The following CADPS2 variants were observed in gnomAD, a reference collection of about 807,000 sequenced individuals.
CADPS2 encodes the protein calcium dependent secretion activator 2.
CADPS2 carries 93 observed loss-of-function variants against 172.5 expected under a neutral mutation model. The observed-to-expected ratio is 0.54, with a 90% CI of 0.46 to 0.64. The LOEUF (loss-of-function observed/expected upper bound fraction) is 0.64, where lower values mean the gene tolerates loss of function less well. Ranked by LOEUF, CADPS2 falls within the 30% of genes least tolerant of loss-of-function variation. The probability of loss-of-function intolerance (pLI) is 0.00; values close to 1 mark genes in which losing one functional copy is unlikely to be tolerated. For missense variants in CADPS2, 1,420 were observed against 1,565.9 expected (o/e 0.91, Z 1.57); for synonymous variants, 546 against 555.2 (o/e 0.98, Z 0.23).
intron 14 of CADPS2, among the ~76,000 whole-genome samples, chr7:122,452,814 A>G (rs993066651): frequency 1.3e-5 from 2 of 152,224 alleles, no homozygotes; most frequent in African/African-American, 4.8e-5. Context: ...ATTGAAAACA[A>G]AGAAAAATAA....
At chr7:122,833,464 C>G (rs1807258144) in intron 1 of CADPS2, among the ~76,000 whole-genome samples, 1 of 152,144 alleles carries the variant, frequency 6.6e-6, no homozygotes, top group Non-Finnish European at 1.5e-5. Flanking sequence ...AATTCTCTTG[C>G]CTCAGCCCTC....
At chr7:122,798,496 G>C (rs1160103728) in intron 1 of CADPS2, among the ~76,000 whole-genome samples, 2 of 152,126 alleles carry the variant, frequency 1.3e-5, no homozygotes, top group Non-Finnish European at 2.9e-5. Context: ...GTATATAGAT[G>C]TCCTATATTA....
At chr7:122,721,581 T>A (rs1016135907) in intron 2 of CADPS2, among the ~76,000 whole-genome samples, 1 of 152,020 alleles carries the variant, frequency 6.6e-6, no homozygotes, top group Non-Finnish European at 1.5e-5. Flanking sequence ...CAGGACCAGA[T>A]GGATTCACAG....
intron 1 of CADPS2, among the ~76,000 whole-genome samples, chr7:122,881,389 G>A (rs759239443): frequency 7.9e-5 from 12 of 152,128 alleles, no homozygotes; most frequent in Non-Finnish European, 1.5e-4. Flanking sequence ...GTGGTCTCAG[G>A]ATACCCTGTG....
chr7:122,479,411 C>A (rs2152246705), intron 12 of CADPS2, among the ~76,000 whole-genome samples: 1 of 152,248 alleles, frequency 6.6e-6, no homozygotes, highest in Non-Finnish European at 1.5e-5. Flanking sequence ...TCTTTTTATA[C>A]CATCCATGTA....
At position 122,707,129 on chromosome 7, in the gene CADPS2, C is replaced by G. The variant is rs1016727548; in HGVS notation, c.453+29826G>C. Reference sequence around the variant, plus strand: ...TACAGGCTCTAAATTCCTGAAGTATCCCCAAAGGAATAATACTTAACCATT... The same window carrying G: ...TACAGGCTCTAAATTCCTGAAGTATGCCCAAAGGAATAATACTTAACCATT... On this transcript the variant is annotated intron_variant, in intron 2 of 29. Transcript: ENST00000449022. Among the ~76,000 whole-genome samples, 5 of 151,712 alleles carry G rather than the reference C, an allele frequency of 3.3e-5. No homozygotes were observed. In the Admixed American group the frequency reaches 3.3e-4, roughly 10 times the overall value.
chr7:122,643,921 C>T (rs575674591), intron 3 of CADPS2, among the ~76,000 whole-genome samples: 1 of 152,162 alleles, frequency 6.6e-6, no homozygotes, highest in Non-Finnish European at 1.5e-5. Context: ...CAAAACCCCT[C>T]TCTACTAAAA....
chr7:122,724,706 C>T (rs1012612480), intron 2 of CADPS2, among the ~76,000 whole-genome samples: 1 of 151,996 alleles, frequency 6.6e-6, no homozygotes, highest in African/African-American at 2.4e-5. Context: ...AAGTCCAATC[C>T]AGATAGAACA....
chr7:122,606,646 G>C lies in CADPS2; in HGVS notation c.1223+8535C>G, dbSNP rs187436721. On this transcript the variant is annotated intron_variant, in intron 6 of 29. Coordinates refer to ENST00000449022, the MANE Select transcript of CADPS2 (RefSeq NM_017954.11). ...GGGCCAAGTGTCATAGTCTGAGACC[G>C]ACTGAGAGGCTTTTTTTAATACTCT... Among the ~76,000 whole-genome samples, 594 of 152,188 alleles carry C rather than the reference G, an allele frequency of 3.9e-3. 6 individuals are homozygous for C. The highest frequency in any genetic ancestry group is 0.014 in the African/African-American group (564 of 41,520).
chr7:122,407,345 G>T (rs1387295173), intron 20 of CADPS2, among the ~76,000 whole-genome samples, 195 bp downstream of exon 20: 1 of 152,178 alleles, frequency 6.6e-6, no homozygotes, highest in Non-Finnish European at 1.5e-5. Context: ...GACCTTCAGA[G>T]CCCACTGGAG....
chr7:122,770,522 C>G (rs36108447), intron 1 of CADPS2, among the ~76,000 whole-genome samples: 3 of 151,992 alleles, frequency 2.0e-5, no homozygotes, highest in Non-Finnish European at 4.4e-5. Flanking sequence ...CCTGACCCCA[C>G]TCCCCTGAAC....
intron 4 of CADPS2, among the ~76,000 whole-genome samples, chr7:122,624,794 GT>G (rs2075921656): frequency 6.6e-6 from 1 of 152,150 alleles, no homozygotes; most frequent in Non-Finnish European, 1.5e-5. Flanking sequence ...CATTCCCTGA[GT>G]GTCTGCTATG....
chr7:122,369,339 G>C (rs538457870), intron 25 of CADPS2, among the ~76,000 whole-genome samples: 2 of 151,992 alleles, frequency 1.3e-5, no homozygotes, highest in Admixed American at 1.3e-4. Flanking sequence ...CAGCGTGTTA[G>C]CCAGGATGGT....
chr7:122,834,294 A>C (rs1807547425), intron 1 of CADPS2, among the ~76,000 whole-genome samples: 1 of 152,228 alleles, frequency 6.6e-6, no homozygotes, highest in Non-Finnish European at 1.5e-5. Flanking sequence ...ATGCTAAATA[A>C]GAAAAAGAAG....
chr7:122,391,370 T>C (rs4731056), intron 22 of CADPS2, among the ~76,000 whole-genome samples: 83,796 of 151,816 alleles, frequency 0.55, 23,677 homozygotes, highest in African/African-American at 0.67. Flanking sequence ...ATTCAGAGTT[T>C]GTACAAATCC....
chr7:122,750,559 T>C (rs1191387315), intron 1 of CADPS2, among the ~76,000 whole-genome samples: 1 of 152,102 alleles, frequency 6.6e-6, no homozygotes. Flanking sequence ...TCCAATTTCT[T>C]AATCTTTTCA....
At chr7:122,430,443 T>C (rs141948948) in intron 17 of CADPS2, among the ~76,000 whole-genome samples, 34 of 152,312 alleles carry the variant, frequency 2.2e-4, no homozygotes, top group African/African-American at 7.7e-4. Flanking sequence ...ATTCTTCTTT[T>C]AAAATAATAT....
chr7:122,614,764 G>T (rs1426841183), intron 6 of CADPS2, among the ~76,000 whole-genome samples: 1 of 152,144 alleles, frequency 6.6e-6, no homozygotes, highest in African/African-American at 2.4e-5. Flanking sequence ...AAGTCATTGT[G>T]CAGAATCATG....
chr7:122,695,433 A>C (rs2136130562), intron 2 of CADPS2, among the ~76,000 whole-genome samples: 1 of 152,358 alleles, frequency 6.6e-6, no homozygotes, highest in South Asian at 2.1e-4. Flanking sequence ...ATAATGAATA[A>C]ATTTGATATA....
Sources: gnomAD v4.1 joint callset for allele counts (sites outside exome capture counted in the v4.1 genomes callset) on GRCh38, gnomAD v4.1.1 for gene constraint, MANE v1.5 for transcripts, NCBI Gene and HGNC (gene_info 2026-07-23, HGNC 2026-07-21) for gene names.